AFG2A: variants seen among roughly 807,000 people sequenced by gnomAD.
AFG2A encodes AAA ATPase AFG2A, also known as ATPase family gene 2 protein homolog A.
the AFG2A span, among the ~76,000 whole-genome samples, chr4:123,103,956 A>T: frequency 6.6e-6 from 1 of 152,110 alleles, no homozygotes; most frequent in Non-Finnish European, 1.5e-5. Context: ...CGGGGATCTG[A>T]GGGAGGAAAT....
At chr4:123,203,169 T>A in the AFG2A span, among the ~76,000 whole-genome samples, 1 of 97,880 alleles carries the variant, frequency 1.0e-5, no homozygotes, top group Non-Finnish European at 2.8e-5. Context: ...TTTTTTTTTT[T>A]AGAAGGAATC....
the AFG2A span, among the ~76,000 whole-genome samples, chr4:123,001,903 G>C: frequency 6.6e-6 from 1 of 152,134 alleles, no homozygotes; most frequent in Non-Finnish European, 1.5e-5. Context: ...TGACAGTGGG[G>C]TGTTAAAGTC....
At chr4:123,273,094 T>C in the AFG2A span, among the ~76,000 whole-genome samples, 2 of 152,194 alleles carry the variant, frequency 1.3e-5, no homozygotes, top group Admixed American at 6.5e-5. Context: ...ATTGTAAATA[T>C]AGACAATTTC....
At chr4:123,228,725 C>T in the AFG2A span, among the ~76,000 whole-genome samples, 1 of 152,046 alleles carries the variant, frequency 6.6e-6, no homozygotes, top group Admixed American at 6.6e-5. Context: ...AGGGACTTGG[C>T]TAATAAATGT....
the AFG2A span, among the ~76,000 whole-genome samples, chr4:123,245,893 C>T: frequency 6.6e-6 from 1 of 152,204 alleles, no homozygotes; most frequent in African/African-American, 2.4e-5. Flanking sequence ...CTATGCCTGA[C>T]ACATAGTAGA....
At chr4:123,068,005 G>C in the AFG2A span, among the ~76,000 whole-genome samples, 124,836 of 152,136 alleles carry the variant, frequency 0.82, 52,734 homozygotes, top group East Asian at 0.97. Flanking sequence ...TTTTGAATAG[G>C]AATAATTTGG....
At chr4:122,946,763 A>G in the AFG2A span, among the ~76,000 whole-genome samples, 1 of 152,210 alleles carries the variant, frequency 6.6e-6, no homozygotes, top group Non-Finnish European at 1.5e-5. Flanking sequence ...TAAAAAAACT[A>G]GTCTATAAGC....
chr4:122,988,791 CCT>C, the AFG2A span, among the ~76,000 whole-genome samples: 5 of 152,164 alleles, frequency 3.3e-5, no homozygotes, highest in African/African-American at 1.2e-4. Context: ...GTTCTAAGTC[CCT>C]GTTAGGCTTT....
chr4:123,105,503 A>G, the AFG2A span, among the ~76,000 whole-genome samples: 1 of 152,196 alleles, frequency 6.6e-6, no homozygotes, highest in Non-Finnish European at 1.5e-5. Flanking sequence ...TACGTTTCTT[A>G]AGGCTATTGC....
the AFG2A span, among the ~76,000 whole-genome samples, chr4:123,019,968 T>G: frequency 6.6e-6 from 1 of 152,288 alleles, no homozygotes; most frequent in East Asian, 1.9e-4. Context: ...TGTTAATCAG[T>G]CATTTCTCTA....
At chr4:123,041,241 G>A in the AFG2A span, among the ~76,000 whole-genome samples, 1 of 150,428 alleles carries the variant, frequency 6.6e-6, no homozygotes, top group African/African-American at 2.4e-5. Flanking sequence ...TTCCCAAGTA[G>A]CTGGGATTAC....
the AFG2A span, among the ~76,000 whole-genome samples, chr4:123,109,763 A>G: frequency 6.6e-6 from 1 of 152,112 alleles, no homozygotes; most frequent in East Asian, 1.9e-4. Context: ...CCATTGCTCT[A>G]ATGCAAGGGA....
the AFG2A span, among the ~76,000 whole-genome samples, chr4:123,140,530 G>A: frequency 1.4e-5 from 2 of 147,376 alleles, no homozygotes; most frequent in African/African-American, 5.0e-5. Context: ...ATTCTTTCTT[G>A]TAATGCCACA....
the AFG2A span, among the ~76,000 whole-genome samples, chr4:123,128,603 G>A: frequency 6.6e-6 from 1 of 152,036 alleles, no homozygotes; most frequent in Admixed American, 6.6e-5. Context: ...CATATGAAAA[G>A]CTGTTGTGTA....
At chr4:123,007,469 C>T in the AFG2A span, among the ~76,000 whole-genome samples, 1 of 151,238 alleles carries the variant, frequency 6.6e-6, no homozygotes, top group Non-Finnish European at 1.5e-5. Flanking sequence ...CCCACTCCCT[C>T]TGTCTCTGTA....
At chr4:123,252,353 TAAAAC>T in the AFG2A span, among the ~76,000 whole-genome samples, 4 of 152,038 alleles carry the variant, frequency 2.6e-5, no homozygotes, top group Non-Finnish European at 5.9e-5. Context: ...CAAACAAAAA[TAAAAC>T]AAATTAACTA....
chr4:123,017,135 TGGGGAGAGGGAGAGGGGGGAGAGGGAA>T, the AFG2A span, among the ~76,000 whole-genome samples: 1,117 of 99,146 alleles, frequency 0.011, 30 homozygotes, highest in Non-Finnish European at 0.015. Flanking sequence ...AGGGAGACCG[TGGGGAGAGGGAGAGGGGGGAGAGGGAA>T]GGGGAGAGGG....
the AFG2A span, among the ~76,000 whole-genome samples, chr4:123,154,372 C>T: frequency 6.6e-6 from 1 of 152,022 alleles, no homozygotes; most frequent in Admixed American, 6.6e-5. Flanking sequence ...GAAACATATC[C>T]TTATAAGCTC....
chr4:123,250,310 A>G, the AFG2A span, among the ~76,000 whole-genome samples: 1 of 152,210 alleles, frequency 6.6e-6, no homozygotes, highest in Non-Finnish European at 1.5e-5. Flanking sequence ...AGTCCTTGAT[A>G]TAAAGGTCAG....
Sources: allele counts gnomAD v4.1 joint callset (sites outside exome capture counted in the v4.1 genomes callset), GRCh38; gene constraint gnomAD v4.1.1; transcripts MANE v1.5; gene names NCBI Gene and HGNC (gene_info 2026-07-23, HGNC 2026-07-21).